The following MYO16 variants were observed in gnomAD, a reference collection of about 807,000 sequenced individuals.
The protein encoded by MYO16 is myosin XVI.
A neutral mutation model predicts 205.3 loss-of-function variants in MYO16; 94 were observed. The observed-to-expected ratio is 0.46, with a 90% CI of 0.39 to 0.54. MYO16 has a LOEUF of 0.54. Among genes scored for constraint, MYO16 ranks in the 20% least tolerant of loss-of-function variants. The pLI, the probability that MYO16 is intolerant of heterozygous loss-of-function variation, is 0.00. For synonymous variants in MYO16, 988 were observed against 954.0 expected (o/e 1.04, Z -0.66); for missense variants, 2,315 against 2,387.5 (o/e 0.97, Z 0.63).
chr13:108,643,260 GAT>G (rs1880592216), intron 1 of MYO16, among the ~76,000 whole-genome samples: 1 of 152,162 alleles, frequency 6.6e-6, no homozygotes, highest in Non-Finnish European at 1.5e-5. Context: ...TACAATATGT[GAT>G]CTTCTGAGAT....
At chr13:108,770,522 A>G (rs1428135543) in intron 4 of MYO16, among the ~76,000 whole-genome samples, 1 of 152,150 alleles carries the variant, frequency 6.6e-6, no homozygotes, top group Non-Finnish European at 1.5e-5. Flanking sequence ...CTCCTCAGCA[A>G]TATCTCCCAA....
intron 16 of MYO16, among the ~76,000 whole-genome samples, chr13:108,917,178 GCCCTAGGCC>G (rs1881534219): frequency 6.6e-6 from 1 of 152,178 alleles, no homozygotes; most frequent in South Asian, 2.1e-4. Flanking sequence ...ACCACGTGCT[GCCCTAGGCC>G]CCCTAACTTA....
chr13:109,169,751 G>A (rs1878852200), intron 33 of MYO16, among the ~76,000 whole-genome samples: 1 of 152,154 alleles, frequency 6.6e-6, no homozygotes, highest in African/African-American at 2.4e-5. Context: ...GAATCAGATG[G>A]TTTCTCCACT....
intron 32 of MYO16, among the ~76,000 whole-genome samples, chr13:109,148,753 C>T (rs984655061): frequency 7.2e-5 from 11 of 152,156 alleles, no homozygotes; most frequent in South Asian, 2.1e-4. Context: ...TGTGCACACA[C>T]GGCATTTTCT....
At chr13:108,653,164 T>C (rs2139405704) in intron 1 of MYO16, among the ~76,000 whole-genome samples, 1 of 152,262 alleles carries the variant, frequency 6.6e-6, no homozygotes, top group South Asian at 2.1e-4. Context: ...CTTTATATGC[T>C]TGTTGGGAAT....
chr13:108,876,668 T>TA (rs1566384474), intron 12 of MYO16, among the ~76,000 whole-genome samples: 1 of 86,396 alleles, frequency 1.2e-5, no homozygotes, highest in Non-Finnish European at 2.3e-5. Context: ...ATATTCTCTC[T>TA]CTTTTTTTTT....
chr13:109,071,552 C>A (rs1887926297), intron 27 of MYO16, among the ~76,000 whole-genome samples: 1 of 152,120 alleles, frequency 6.6e-6, no homozygotes. Context: ...AATCAGAATA[C>A]AACATGTGGC....
In MYO16 at chr13:108,693,515, A is replaced by T. The variant is rs1882978483; in HGVS notation, c.293-19146A>T. 5.3e-5 allele frequency among the ~76,000 whole-genome samples: 8 copies of T among 152,240 alleles called. No individual in the cohort carries two copies. In the South Asian group the frequency reaches 1.7e-3, roughly 32 times the overall value. ...ATAACCTTTGTATCTGGCTTATTTC[A>T]CTCAGCATATTTTTAAGGTTCATTC... On this transcript the variant is annotated intron_variant, in intron 2 of 34. Transcript: ENST00000457511.
At chr13:109,033,385 C>T (rs1037897506) in intron 23 of MYO16, among the ~76,000 whole-genome samples, 6 of 152,260 alleles carry the variant, frequency 3.9e-5, no homozygotes, top group East Asian at 1.9e-4. Flanking sequence ...CAGACTTCGT[C>T]GTCCCACATT....
chr13:109,050,154 A>G (rs1887198578), intron 24 of MYO16, among the ~76,000 whole-genome samples: 1 of 152,100 alleles, frequency 6.6e-6, no homozygotes, highest in Non-Finnish European at 1.5e-5. Context: ...CAATTGTCCC[A>G]CTAATATTAG....
At chr13:108,801,471 T>C (rs752393883) in intron 6 of MYO16, among the ~76,000 whole-genome samples, 1 of 152,230 alleles carries the variant, frequency 6.6e-6, no homozygotes, top group Non-Finnish European at 1.5e-5. Context: ...TACGGACATA[T>C]ATGATAATCA....
Position 109,016,101 on chromosome 13 carries a change from T to C in MYO16, c.2596-3610T>C, listed in dbSNP as rs569695411. On this transcript the variant is annotated intron_variant, in intron 22 of 34. Transcript: ENST00000457511. ...TCCTGCTTTCTCTTGTGGGCATTTA[T>C]TGCTATAAATTTCCCTCTACACACT... Among the ~76,000 whole-genome samples, 42 of 152,224 alleles carry C rather than the reference T, an allele frequency of 2.8e-4. 2 individuals carry two copies. The South Asian group carries it at 8.7e-3, about 32-fold the overall frequency.
At chr13:109,044,332 G>C (rs1194429481) in intron 23 of MYO16, among the ~76,000 whole-genome samples, 1 of 152,156 alleles carries the variant, frequency 6.6e-6, no homozygotes, top group African/African-American at 2.4e-5. Context: ...ACGTTAATAG[G>C]CTATTAGAGA....
At chr13:108,961,223 G>A (rs1339693947) in intron 17 of MYO16, among the ~76,000 whole-genome samples, 2 of 152,012 alleles carry the variant, frequency 1.3e-5, no homozygotes, top group African/African-American at 4.8e-5. Flanking sequence ...CAAACCCTAA[G>A]CACACAATTA....
intron 6 of MYO16, among the ~76,000 whole-genome samples, chr13:108,797,352 C>T (rs1886826019): frequency 6.6e-6 from 1 of 152,134 alleles, no homozygotes; most frequent in African/African-American, 2.4e-5. Flanking sequence ...ATGTTGAAAG[C>T]TTTGATACTG....
chr13:109,002,676 G>T (rs926665356), intron 21 of MYO16, among the ~76,000 whole-genome samples: 1 of 152,136 alleles, frequency 6.6e-6, no homozygotes, highest in Admixed American at 6.5e-5. Context: ...AGTAATGGTT[G>T]TTTTCCATTG....
At chr13:108,817,754 C>T (rs1281558911) in intron 7 of MYO16, among the ~76,000 whole-genome samples, 2 of 152,190 alleles carry the variant, frequency 1.3e-5, no homozygotes. Context: ...GATTTGACTT[C>T]CGTTGTTTTG....
At chr13:108,893,754 C>T (rs1034577064) in intron 14 of MYO16, among the ~76,000 whole-genome samples, 10 of 151,940 alleles carry the variant, frequency 6.6e-5, no homozygotes, top group African/African-American at 1.9e-4. Flanking sequence ...TGCTGGCAGG[C>T]GGGATCAGGT....
At chr13:108,980,942 G>A (rs1465339030) in intron 20 of MYO16, among the ~76,000 whole-genome samples, 1 of 152,110 alleles carries the variant, frequency 6.6e-6, no homozygotes, top group Non-Finnish European at 1.5e-5. Context: ...TTAAGTACAT[G>A]GCCCAAATCA....
Sources: allele counts gnomAD v4.1 joint callset (sites outside exome capture counted in the v4.1 genomes callset), GRCh38; gene constraint gnomAD v4.1.1; transcripts MANE v1.5; gene names NCBI Gene and HGNC (gene_info 2026-07-23, HGNC 2026-07-21).